ATM: variants seen among roughly 807,000 people sequenced by gnomAD.
ATM encodes serine-protein kinase ATM.
ATM carries 308 observed loss-of-function variants against 387.0 expected under a neutral mutation model. The observed-to-expected ratio is 0.80, with a 90% confidence interval of 0.73 to 0.87. The LOEUF (loss-of-function observed/expected upper bound fraction) is 0.87. Among genes scored for constraint, ATM ranks in the 40% least tolerant of loss-of-function variants. ATM has a pLI of 0.00. For synonymous variants in ATM, 1,156 were observed against 1,187.3 expected (o/e 0.97, Z 0.54); for missense variants, 3,312 against 3,560.9 (o/e 0.93, Z 1.78).
At chr11:108,305,607 T>C (rs1392064631) in intron 37 of ATM, among the ~76,000 whole-genome samples, 2 of 152,126 alleles carry the variant, frequency 1.3e-5, no homozygotes, top group Non-Finnish European at 2.9e-5. Context: ...AAACCCTTTG[T>C]ATAACTATAA....
rs768480943 is a variant in ATM, at chr11:108,247,109, G to A, written c.1047G>A (p.Met349Ile). 1.2e-6 allele frequency: 2 copies of A among 1,613,708 alleles called. No individual in the cohort carries two copies. Among genetic ancestry groups the A allele is most frequent in the East Asian group, 2.2e-5 (1 of 44,804 alleles). The stretch of plus-strand genomic sequence containing the variant: ...TCAAAGAAAATTTGATTGAATTGAT[G>A]GCAGATATCTGTCACCAGGTACAGT... ...IAVKENLIEL[M>I]ADICHQVFNE... Residue 349 changes from methionine to isoleucine, a missense_variant, in exon 8 of 63, where the codon ATG becomes ATA. Met to Ile is a conservative substitution (Grantham distance 10). Coordinates refer to ENST00000675843, the MANE Select transcript of ATM (RefSeq NM_000051.4).
chr11:108,293,886 A>ATAT (rs1555100904), intron 31 of ATM, among the ~76,000 whole-genome samples: 50 of 103,446 alleles, frequency 4.8e-4, no homozygotes, highest in Non-Finnish European at 7.9e-4. Context: ...TCAAAAAAAA[A>ATAT]AAAAAAAAAT....
chr11:108,269,684 C>T (rs1003959693), intron 18 of ATM, among the ~76,000 whole-genome samples: 2 of 152,212 alleles, frequency 1.3e-5, no homozygotes, highest in Non-Finnish European at 2.9e-5. Flanking sequence ...GGTCCTAGGT[C>T]ATGTCCCCAG....
rs1302047966 is a variant in ATM at position 108,330,292 on chromosome 11, C to CT, written c.7388dup (p.Leu2463PhefsTer3). ...CACTGAAAGAGGATCGTAAACGCTT[C>CT]TTATGTAAAGCAGTTGAAAATTATA... is the stretch of plus-strand genomic sequence containing the variant. On this transcript the variant is annotated frameshift_variant, in exon 50 of 63. Transcript: ENST00000675843. LOFTEE classifies it high-confidence loss of function. 1 of 1,614,148 alleles carries CT rather than the reference C, an allele frequency of 6.2e-7. No homozygotes were observed. The highest frequency in any genetic ancestry group is 1.7e-5 in the Admixed American group (1 of 60,020).
chr11:108,254,056 AAAG>A lies in ATM; in HGVS notation c.2124+20_2124+22del. ...TCATCTGAGGTGAGATTTTTTAAAA[AAAG>A]AACTAAGCTTATATATGATTCAACT... On this transcript the variant is annotated intron_variant, in intron 13 of 62. Coordinates refer to ENST00000675843, the MANE Select transcript of ATM (RefSeq NM_000051.4). The A allele has an allele frequency of 6.2e-7, 1 of 1,608,916 alleles. No homozygotes were observed. Among genetic ancestry groups the A allele is most frequent in the Admixed American group, 1.7e-5 (1 of 59,996 alleles).
At chr11:108,363,537 A>G (rs369062486) in intron 61 of ATM, among the ~76,000 whole-genome samples, 16 of 152,174 alleles carry the variant, frequency 1.1e-4, no homozygotes, top group East Asian at 5.8e-4. Context: ...TATTGTCACA[A>G]TTGGGGATGG....
chr11:108,277,460 C>T (rs759631702), intron 22 of ATM, among the ~76,000 whole-genome samples: 12 of 152,126 alleles, frequency 7.9e-5, no homozygotes, highest in Non-Finnish European at 1.3e-4. Context: ...AAATGGCCGC[C>T]CAGCTTTGTG....
At chr11:108,294,848 T>C in intron 31 of ATM, 79 bp from the exon 32 acceptor site, 1 of 1,526,710 alleles carries the variant, frequency 6.6e-7, no homozygotes, top group Admixed American at 1.7e-5. Context: ...GGCACTTAAC[T>C]AATTTTTTTC....
At chr11:108,239,357 A>G (rs1163634186) in intron 5 of ATM, among the ~76,000 whole-genome samples, 1 of 152,126 alleles carries the variant, frequency 6.6e-6, no homozygotes, top group African/African-American at 2.4e-5. Context: ...AACCTATAAT[A>G]CTTTGTTATA....
At chr11:108,335,352 A>T in intron 55 of ATM, 1 of 1,236,786 alleles carries the variant, frequency 8.1e-7, no homozygotes, top group Non-Finnish European at 1.1e-6. Flanking sequence ...TAACATGTAC[A>T]GACATGTACA....
chr11:108,322,017 A>T (rs1172350376), intron 45 of ATM, among the ~76,000 whole-genome samples: 1 of 152,038 alleles, frequency 6.6e-6, no homozygotes, highest in East Asian at 1.9e-4. Context: ...GCATGATAAC[A>T]CTCCATTCAG....
chr11:108,292,700 G>A lies in ATM; in HGVS notation c.4518G>A (p.Val1506=), dbSNP rs1057524110. The stretch of plus-strand genomic sequence containing the variant: ...TAAGTCAGGTTTGCCAGACAGCCGT[G>A]ACTTACTGTAAGGATGCTCTAGAAA... ...DLLSQVCQTA[V]TYCKDALENH... The change falls in exon 30 of 63, where the codon GTG becomes GTA. Residue 1506 remains valine (V), a synonymous_variant. Coordinates refer to ENST00000675843, the MANE Select transcript of ATM (RefSeq NM_000051.4). The A allele has an allele frequency of 1.9e-6, 3 of 1,613,662 alleles. No individual in the cohort carries two copies. The highest frequency in any genetic ancestry group is 2.5e-6 in the Non-Finnish European group (3 of 1,179,946).
intron 38 of ATM, 108 bp downstream of exon 38, chr11:108,308,092 ATATT>A: frequency 1.9e-6 from 2 of 1,049,418 alleles, no homozygotes; most frequent in Non-Finnish European, 1.4e-6. Context: ...GCAAAGTGTT[ATATT>A]TAATTTGTGT....
intron 22 of ATM, among the ~76,000 whole-genome samples, chr11:108,276,076 T>G (rs1565433957): frequency 1.3e-5 from 2 of 152,230 alleles, no homozygotes; most frequent in Non-Finnish European, 2.9e-5. Flanking sequence ...CTTTTTTCTC[T>G]AATCTTGTCT....
chr11:108,287,812 A>T, intron 27 of ATM, 97 bp downstream of exon 27: 1 of 860,848 alleles, frequency 1.2e-6, no homozygotes, highest in Non-Finnish European at 1.8e-6. Context: ...CAATTTATAG[A>T]CATCACTCTT....
In ATM at chr11:108,368,722, G is replaced by C. The variant is rs2091455995; in HGVS notation, c.*3214G>C. 4.6e-6 allele frequency: 1 copy of C among 215,158 alleles called. No homozygotes were observed. Among genetic ancestry groups the C allele is most frequent in the African/African-American group, 2.3e-5 (1 of 44,364 alleles). The allele number at this position is 215,158 out of a possible 1,614,324, so 13.3% of individuals were successfully genotyped here. On this transcript the variant is annotated 3_prime_UTR_variant, in exon 63 of 63. Transcript: ENST00000675843. ...GAACAGTTGTGTCCAGATTAAGGGA[G>C]ATAATAGCTTTCCCACCCTACTTTG...
At chr11:108,299,985 T>G (rs2083343633) in intron 34 of ATM, 100 bp downstream of exon 34, 1 of 1,181,838 alleles carries the variant, frequency 8.5e-7, no homozygotes, top group Non-Finnish European at 1.2e-6. Flanking sequence ...AGCTTTGTCC[T>G]TTTTTAAATC....
chr11:108,352,592 A>G (rs1240560060), intron 59 of ATM, among the ~76,000 whole-genome samples: 1 of 152,192 alleles, frequency 6.6e-6, no homozygotes, highest in Non-Finnish European at 1.5e-5. Flanking sequence ...TCTACTTATA[A>G]AATGGCCATG....
At chr11:108,246,769 T>C (rs2079866569) in intron 7 of ATM, among the ~76,000 whole-genome samples, 195 bp from the exon 8 acceptor site, 1 of 152,210 alleles carries the variant, frequency 6.6e-6, no homozygotes, top group Non-Finnish European at 1.5e-5. Flanking sequence ...AACACAGTTA[T>C]CTAAATGTAA....
Sources: gnomAD v4.1 joint callset for allele counts (sites outside exome capture counted in the v4.1 genomes callset) on GRCh38, gnomAD v4.1.1 for gene constraint, MANE v1.5 for transcripts, NCBI Gene and HGNC (gene_info 2026-07-23, HGNC 2026-07-21) for gene names.